The following DAB1 variants were observed in gnomAD, a reference collection of about 807,000 sequenced individuals.
The protein encoded by DAB1 is DAB adaptor protein 1.
A neutral mutation model predicts 64.6 loss-of-function variants in DAB1; 15 were observed. That is an observed-to-expected ratio of 0.23 (90% CI 0.16 to 0.36). The LOEUF is 0.36. Ranked by LOEUF, DAB1 falls within the 10% of genes least tolerant of loss-of-function variation. The pLI is 1.00. For synonymous variants in DAB1, 235 were observed against 251.9 expected (o/e 0.93, Z 0.64); for missense variants, 596 against 706.7 (o/e 0.84, Z 1.78).
At chr1:57,812,449 C>G (rs974451851) in intron 6 of DAB1, among the ~76,000 whole-genome samples, 2 of 152,070 alleles carry the variant, frequency 1.3e-5, no homozygotes, top group Non-Finnish European at 2.9e-5. Context: ...ATATGCTTCC[C>G]TTGAGTGAAG....
At chr1:57,054,046 T>C (rs914851339) in intron 9 of DAB1, among the ~76,000 whole-genome samples, 2 of 152,102 alleles carry the variant, frequency 1.3e-5, no homozygotes, top group African/African-American at 4.8e-5. Flanking sequence ...TGGTTATTAC[T>C]GATAATTAGA....
intron 7 of DAB1, among the ~76,000 whole-genome samples, chr1:57,583,716 G>A (rs1055023425): frequency 6.6e-6 from 1 of 152,172 alleles, no homozygotes; most frequent in East Asian, 1.9e-4. Flanking sequence ...TCTAGAAAAT[G>A]TGACTCCTGT....
At chr1:57,855,536 C>T (rs751722873) in intron 1 of DAB1, among the ~76,000 whole-genome samples, 25 of 151,996 alleles carry the variant, frequency 1.6e-4, no homozygotes, top group African/African-American at 5.1e-4. Flanking sequence ...ATTAGAAAAG[C>T]GGTCTTTGAT....
intron 5 of DAB1, among the ~76,000 whole-genome samples, chr1:58,084,253 G>A (rs1163453272): frequency 1.3e-5 from 2 of 152,046 alleles, no homozygotes; most frequent in Non-Finnish European, 2.9e-5. Context: ...TCAGTAAATG[G>A]CAGTCTTATT....
chr1:58,500,107 TC>T (rs1645882141), intron 3 of DAB1, among the ~76,000 whole-genome samples: 1 of 152,164 alleles, frequency 6.6e-6, no homozygotes, highest in African/African-American at 2.4e-5. Flanking sequence ...ATCATTACTT[TC>T]CCCTTTCCCC....
At chr1:57,479,292 C>T (rs951757992) in intron 7 of DAB1, among the ~76,000 whole-genome samples, 1 of 151,936 alleles carries the variant, frequency 6.6e-6, no homozygotes, top group Admixed American at 6.5e-5. Flanking sequence ...GGAAATCACA[C>T]ACACAGAAAA....
At chr1:57,495,473 T>C (rs1244529912) in intron 7 of DAB1, among the ~76,000 whole-genome samples, 1 of 152,172 alleles carries the variant, frequency 6.6e-6, no homozygotes, top group Non-Finnish European at 1.5e-5. Flanking sequence ...TAACCGTCAA[T>C]CAAACTCAGC....
At chr1:57,718,784 T>G (rs1385220861) in intron 6 of DAB1, among the ~76,000 whole-genome samples, 1 of 152,190 alleles carries the variant, frequency 6.6e-6, no homozygotes, top group Non-Finnish European at 1.5e-5. Context: ...TCTCCCAAAT[T>G]TTTTATAATT....
At chr1:57,105,963 T>G (rs1655100018) in intron 4 of DAB1, among the ~76,000 whole-genome samples, 1 of 152,144 alleles carries the variant, frequency 6.6e-6, no homozygotes, top group Non-Finnish European at 1.5e-5. Context: ...AATCCAGGCT[T>G]GGATGCTTCC....
intron 7 of DAB1, among the ~76,000 whole-genome samples, chr1:57,524,486 G>A (rs931276106): frequency 3.9e-5 from 6 of 152,184 alleles, no homozygotes; most frequent in African/African-American, 9.7e-5. Flanking sequence ...GGCTGAGTCC[G>A]AAAAGAGAGT....
At chr1:57,977,839 T>C (rs1236954537) in intron 5 of DAB1, among the ~76,000 whole-genome samples, 1 of 152,008 alleles carries the variant, frequency 6.6e-6, no homozygotes, top group African/African-American at 2.4e-5. Flanking sequence ...ATAAAATACC[T>C]AGGAAAACAA....
intron 5 of DAB1, among the ~76,000 whole-genome samples, chr1:58,018,393 C>T (rs991904007): frequency 1.2e-4 from 19 of 152,256 alleles, no homozygotes; most frequent in African/African-American, 4.6e-4. Flanking sequence ...GCCTGGTTGC[C>T]TAATAACAAA....
At chr1:58,173,814 A>G (rs1178240196) in intron 4 of DAB1, among the ~76,000 whole-genome samples, 1 of 152,172 alleles carries the variant, frequency 6.6e-6, no homozygotes, top group Admixed American at 6.5e-5. Context: ...TCTAAGTCCC[A>G]ACATTAACAT....
intron 4 of DAB1, among the ~76,000 whole-genome samples, chr1:57,105,050 T>C (rs1655017719): frequency 6.6e-6 from 1 of 152,120 alleles, no homozygotes; most frequent in African/African-American, 2.4e-5. Context: ...ATCACAGCCA[T>C]GCACAGATGA....
At chr1:57,578,205 T>A (rs185338483) in intron 7 of DAB1, among the ~76,000 whole-genome samples, 20 of 152,274 alleles carry the variant, frequency 1.3e-4, no homozygotes, top group Non-Finnish European at 2.4e-4. Flanking sequence ...TGCTGAGGGA[T>A]CTTCAGATGC....
At chr1:58,158,056 G>A (rs1488052023) in intron 4 of DAB1, among the ~76,000 whole-genome samples, 1 of 152,170 alleles carries the variant, frequency 6.6e-6, no homozygotes. Flanking sequence ...GCTATATTCT[G>A]CCTGTCCTAG....
chr1:58,032,744 G>C (rs552823888), intron 5 of DAB1, among the ~76,000 whole-genome samples: 1 of 152,262 alleles, frequency 6.6e-6, no homozygotes, highest in African/African-American at 2.4e-5. Context: ...CACATGCCTA[G>C]CTAAAAAGTT....
At chr1:58,361,885 T>A (rs1369831769) in intron 3 of DAB1, among the ~76,000 whole-genome samples, 13 of 127,856 alleles carry the variant, frequency 1.0e-4, no homozygotes, top group Non-Finnish European at 6.9e-5. Flanking sequence ...TTTTTTTTTT[T>A]TTGAGACGGA....
chr1:57,344,962 A>C (rs1677959884), intron 1 of DAB1, among the ~76,000 whole-genome samples: 1 of 152,172 alleles, frequency 6.6e-6, no homozygotes, highest in African/African-American at 2.4e-5. Context: ...TGTTGTTATT[A>C]TGCCTGTCAT....
Sources: gnomAD v4.1 joint callset for allele counts (sites outside exome capture counted in the v4.1 genomes callset) on GRCh38, gnomAD v4.1.1 for gene constraint, MANE v1.5 for transcripts, NCBI Gene and HGNC (gene_info 2026-07-23, HGNC 2026-07-21) for gene names.